BMPR2: variants seen among roughly 807,000 people sequenced by gnomAD.
BMPR2 encodes bone morphogenetic protein receptor type 2, also known as bone morphogenetic protein receptor type-2.
BMPR2 carries 29 observed loss-of-function variants against 100.8 expected under a neutral mutation model. The observed-to-expected ratio is 0.29, with a 90% CI of 0.21 to 0.39. BMPR2 has a LOEUF of 0.39. Among genes scored for constraint, BMPR2 ranks in the 10% least tolerant of loss-of-function variants. The pLI is 1.00. For missense variants in BMPR2, 1,011 were observed against 1,274.5 expected (o/e 0.79, Z 3.15); for synonymous variants, 382 against 442.3 (o/e 0.86, Z 1.71).
At chr2:202,480,953 TAAAAAAAAAAA>T (rs71035011) in intron 3 of BMPR2, among the ~76,000 whole-genome samples, 84 of 43,356 alleles carry the variant, frequency 1.9e-3, no homozygotes, top group African/African-American at 7.7e-3. Context: ...AGACTCCGTC[TAAAAAAAAAAA>T]AAAAAAAAAA....
intron 1 of BMPR2, among the ~76,000 whole-genome samples, chr2:202,380,047 T>A (rs2105894167): frequency 6.6e-6 from 1 of 152,158 alleles, no homozygotes; most frequent in African/African-American, 2.4e-5. Context: ...TTTTGTATTT[T>A]TAGTGGAGAC....
intron 3 of BMPR2, among the ~76,000 whole-genome samples, chr2:202,469,261 C>A (rs922937832): frequency 4.6e-5 from 7 of 152,130 alleles, no homozygotes; most frequent in Non-Finnish European, 8.8e-5. Context: ...GTCCCGACCT[C>A]AGGTGATCCA....
chr2:202,457,573 G>T (rs945720145), intron 1 of BMPR2, among the ~76,000 whole-genome samples: 174 of 144,544 alleles, frequency 1.2e-3, no homozygotes, highest in South Asian at 1.8e-3. Flanking sequence ...GAGAGAGAGA[G>T]AGAGAGAGAG....
At chr2:202,379,642 G>A (rs1690228789) in intron 1 of BMPR2, among the ~76,000 whole-genome samples, 1 of 152,190 alleles carries the variant, frequency 6.6e-6, no homozygotes. Context: ...GCTGATTAGA[G>A]AGGGCCTGTG....
At chr2:202,417,640 C>A (rs1452639700) in intron 1 of BMPR2, among the ~76,000 whole-genome samples, 1 of 151,460 alleles carries the variant, frequency 6.6e-6, no homozygotes, top group South Asian at 2.1e-4. Flanking sequence ...ATGTACATTA[C>A]GTTTTTTGTT....
intron 1 of BMPR2, among the ~76,000 whole-genome samples, chr2:202,393,882 C>CGAGAGCGAGAGA (rs1212615683): frequency 1.8e-4 from 18 of 97,924 alleles, no homozygotes; most frequent in African/African-American, 5.7e-4. Flanking sequence ...AATGAGAGAG[C>CGAGAGCGAGAGA]GAGAGAGAGA....
chr2:202,393,924 A>AGAG, intron 1 of BMPR2, among the ~76,000 whole-genome samples: 1 of 133,812 alleles, frequency 7.5e-6, no homozygotes, highest in East Asian at 2.1e-4. Context: ...AGAGAGAGAG[A>AGAG]GAGAGAGAGA....
intron 1 of BMPR2, among the ~76,000 whole-genome samples, chr2:202,460,451 A>G (rs1410303046): frequency 1.3e-5 from 2 of 152,224 alleles, no homozygotes; most frequent in Admixed American, 6.5e-5. Context: ...GAAAACTTTA[A>G]GAATATTTTT....
intron 7 of BMPR2, among the ~76,000 whole-genome samples, chr2:202,529,591 T>C (rs1168813734): frequency 1.3e-5 from 2 of 152,152 alleles, no homozygotes; most frequent in East Asian, 1.9e-4. Flanking sequence ...GCCAAGTTAA[T>C]ACAAGCTTTG....
chr2:202,386,485 C>T (rs185645911), intron 1 of BMPR2, among the ~76,000 whole-genome samples: 192 of 152,168 alleles, frequency 1.3e-3, no homozygotes, highest in African/African-American at 4.4e-3. Flanking sequence ...AATCTGATAG[C>T]AAAAACTCTT....
rs948016533 is a variant in BMPR2 at position 202,542,256 on chromosome 2, A to T, written c.1277-55A>T. On this transcript the variant is annotated intron_variant, in intron 9 of 12. Coordinates refer to ENST00000374580, the MANE Select transcript of BMPR2 (RefSeq NM_001204.7). ...GTATCAGAAATACCCCTGTTATTCT[A>T]TCATTTATGATAGTTAGAAATTTTA... 3 of 1,598,774 alleles carry T rather than the reference A, an allele frequency of 1.9e-6. No individual in the cohort carries two copies. The African/African-American group carries it at 4.0e-5, about 21-fold the overall frequency.
chr2:202,541,972 G>A (rs113426189), intron 9 of BMPR2, among the ~76,000 whole-genome samples: 5 of 151,948 alleles, frequency 3.3e-5, no homozygotes, highest in African/African-American at 1.2e-4. Context: ...TTAGCTGGAC[G>A]TGGTGGTGTG....
intron 1 of BMPR2, among the ~76,000 whole-genome samples, chr2:202,415,696 A>G (rs573766809): frequency 3.9e-5 from 6 of 152,352 alleles, no homozygotes; most frequent in African/African-American, 1.4e-4. Flanking sequence ...CCTGAATGAC[A>G]GCACATCTGC....
intron 1 of BMPR2, among the ~76,000 whole-genome samples, chr2:202,381,693 T>G (rs1369342940): frequency 6.6e-6 from 1 of 152,240 alleles, no homozygotes; most frequent in Admixed American, 6.5e-5. Flanking sequence ...GGGAGGCTTT[T>G]CTTACCCTTT....
chr2:202,529,137 C>T (rs540195990), intron 7 of BMPR2, among the ~76,000 whole-genome samples: 1 of 152,274 alleles, frequency 6.6e-6, no homozygotes, highest in East Asian at 1.9e-4. Context: ...CAGAAAATTA[C>T]TGTTAAGTAG....
intron 1 of BMPR2, among the ~76,000 whole-genome samples, chr2:202,426,919 G>A (rs1002817218): frequency 3.9e-5 from 6 of 152,148 alleles, no homozygotes; most frequent in African/African-American, 1.4e-4. Context: ...TGGTTACCAT[G>A]TAGAGATTGG....
rs764468287 is a variant in BMPR2, at chr2:202,555,411, A to G, written c.1746A>G (p.Lys582=). Reference sequence around the variant, plus strand: ...GCACACCTTTGACTATAGGGGAAAAAAACCGAAATTCAATTAACTATGAAC... The same window carrying G: ...GCACACCTTTGACTATAGGGGAAAAGAACCGAAATTCAATTAACTATGAAC... ...MSSTPLTIGE[K]NRNSINYERQ... Residue 582 remains lysine, a synonymous_variant, in exon 12 of 13, where the codon AAA becomes AAG. Transcript: ENST00000374580. 5.6e-6 allele frequency: 9 copies of G among 1,614,172 alleles called. No homozygotes were observed. The highest frequency in any genetic ancestry group is 7.6e-6 in the Non-Finnish European group (9 of 1,180,028).
intron 3 of BMPR2, among the ~76,000 whole-genome samples, chr2:202,501,901 T>C (rs1217201880): frequency 6.6e-6 from 1 of 152,172 alleles, no homozygotes; most frequent in African/African-American, 2.4e-5. Context: ...CCCGAGATGA[T>C]CTCTTAGAAG....
intron 1 of BMPR2, among the ~76,000 whole-genome samples, chr2:202,421,538 T>C (rs1691262005): frequency 6.7e-6 from 1 of 149,726 alleles, no homozygotes; most frequent in Admixed American, 6.7e-5. Context: ...TTTTAAGAAT[T>C]TGGAAGGGCA....
Sources: gnomAD v4.1 joint callset for allele counts (sites outside exome capture counted in the v4.1 genomes callset) on GRCh38, gnomAD v4.1.1 for gene constraint, MANE v1.5 for transcripts, NCBI Gene and HGNC (gene_info 2026-07-23, HGNC 2026-07-21) for gene names.